Variants in SYNE2 observed in about 807,000 individuals in gnomAD.
SYNE2 encodes the protein spectrin repeat containing nuclear envelope protein 2, also known as nesprin-2.
SYNE2 carries 431 observed loss-of-function variants against 856.3 expected under a neutral mutation model. The ratio of observed to expected loss-of-function variants is 0.50; its 90% CI spans 0.47 to 0.55. The LOEUF (loss-of-function observed/expected upper bound fraction) is 0.55, where lower values mean the gene tolerates loss of function less well. Ranked by LOEUF, SYNE2 falls within the 20% of genes least tolerant of loss-of-function variation. SYNE2 has a pLI of 0.00. For synonymous variants in SYNE2, 2,923 were observed against 2,872.3 expected (o/e 1.02, Z -0.56); for missense variants, 8,129 against 8,023.2 (o/e 1.01, Z -0.50).
At position 64,212,828 on chromosome 14, in the gene SYNE2, T is replaced by C. The variant is rs1479822805; in HGVS notation, c.18879T>C (p.Ile6293=). Residue 6293 remains isoleucine (I), a synonymous_variant, in exon 105 of 116, where the codon ATT becomes ATC. Transcript: ENST00000555002. The part of the protein sequence containing the change: ...MRQLNGFQQE[I]TLNTNKIDQL... ...CTCAACAGGGCTTCCAACAGGAAAT[T>C]ACATTAAATACCAACAAGATTGATC... 4 of 1,614,102 alleles carry C rather than the reference T, an allele frequency of 2.5e-6. No individual in the cohort carries two copies.
intron 105 of SYNE2, among the ~76,000 whole-genome samples, chr14:64,213,990 A>G (rs182129097): frequency 2.2e-4 from 34 of 152,306 alleles, no homozygotes; most frequent in African/African-American, 7.9e-4. Context: ...GTTTGGGAAA[A>G]TAACAGATTT....
At chr14:64,094,103 C>T (rs989848053) in intron 61 of SYNE2, among the ~76,000 whole-genome samples, 1 of 151,856 alleles carries the variant, frequency 6.6e-6, no homozygotes, top group African/African-American at 2.4e-5. Context: ...GAGGCCGAGG[C>T]GGGCAGATCA....
At chr14:64,178,916 A>T (rs940915392) in intron 96 of SYNE2, among the ~76,000 whole-genome samples, 1 of 151,998 alleles carries the variant, frequency 6.6e-6, no homozygotes, top group Non-Finnish European at 1.5e-5. Flanking sequence ...TACAGCAAAA[A>T]ATTTTTTTTA....
chr14:63,847,961 A>G (rs1208440259), intron 1 of SYNE2, among the ~76,000 whole-genome samples: 1 of 151,880 alleles, frequency 6.6e-6, no homozygotes, highest in Admixed American at 6.6e-5. Flanking sequence ...ATCTCAACTC[A>G]CTGCAACCTC....
chr14:64,077,480 G>A (rs1342706238), intron 54 of SYNE2, among the ~76,000 whole-genome samples: 2 of 152,066 alleles, frequency 1.3e-5, no homozygotes, highest in Admixed American at 6.6e-5. Flanking sequence ...AATAGAGCCT[G>A]GGACTCAATC....
At chr14:63,824,654 C>G (rs1245632826) in intron 1 of SYNE2, among the ~76,000 whole-genome samples, 2 of 130,788 alleles carry the variant, frequency 1.5e-5, no homozygotes, top group Admixed American at 7.8e-5. Context: ...AAAAAAAAAG[C>G]GTAATTAAAA....
At chr14:64,147,082 C>T (rs1181232155) in intron 84 of SYNE2, among the ~76,000 whole-genome samples, 2 of 151,642 alleles carry the variant, frequency 1.3e-5, no homozygotes, top group African/African-American at 4.9e-5. Context: ...TACTGGAAGC[C>T]TACATTCCGC....
intron 1 of SYNE2, among the ~76,000 whole-genome samples, chr14:63,834,697 G>T (rs1889787784): frequency 6.8e-6 from 1 of 146,092 alleles, no homozygotes; most frequent in Non-Finnish European, 1.5e-5. Flanking sequence ...CTGGAGTGCA[G>T]TGGCGTGATC....
chr14:64,065,557 G>C lies in SYNE2; in HGVS notation c.10338G>C (p.Leu3446=). ...GTTTGCTCAAGATTGTGTCGGCTCT[G>C]TGGGAGAAATGGCTGAGTTTGCTGG... ...GICLLKIVSA[L]WEKWLSLLEA... The change falls in exon 51 of 116, where the codon CTG becomes CTC. Residue 3446 remains leucine (L), a synonymous_variant. Coordinates refer to ENST00000555002, the MANE Select transcript of SYNE2 (RefSeq NM_182914.3). 1 of 1,614,176 alleles carries C rather than the reference G, an allele frequency of 6.2e-7. No individual in the cohort carries two copies. The highest frequency in any genetic ancestry group is 8.5e-7 in the Non-Finnish European group (1 of 1,180,040).
intron 80 of SYNE2, among the ~76,000 whole-genome samples, chr14:64,141,043 G>GT (rs2098135348): frequency 6.6e-6 from 1 of 152,028 alleles, no homozygotes; most frequent in Non-Finnish European, 1.5e-5. Context: ...TTCATTTAAT[G>GT]TGCACTTTGT....
chr14:63,988,762 C>G (rs1031628150), intron 19 of SYNE2, among the ~76,000 whole-genome samples: 1 of 152,142 alleles, frequency 6.6e-6, no homozygotes, highest in Non-Finnish European at 1.5e-5. Flanking sequence ...TGGTGGCAGA[C>G]AAGAGCAGAG....
chr14:64,068,256 A>C (rs918132660), intron 51 of SYNE2, among the ~76,000 whole-genome samples: 1 of 152,198 alleles, frequency 6.6e-6, no homozygotes, highest in Non-Finnish European at 1.5e-5. Flanking sequence ...CTGTCACCCT[A>C]GAAGTTTCCC....
intron 1 of SYNE2, among the ~76,000 whole-genome samples, chr14:63,834,548 G>A (rs373600391): frequency 3.7e-4 from 56 of 151,884 alleles, no homozygotes; most frequent in Middle Eastern, 3.4e-3. Context: ...GGCTGGTCTC[G>A]AACTCCTGGC....
In SYNE2 at chr14:63,931,289, C is replaced by T. The variant is rs2095750671; in HGVS notation, c.80-9325C>T. On this transcript the variant is annotated intron_variant, in intron 2 of 115. Transcript: ENST00000555002. The stretch of plus-strand genomic sequence containing the variant: ...AGGATTGGCCAGGCGCAGTGGCTCA[C>T]GCCTGTAATCCCAGCACTTTGGGAG... Among the ~76,000 whole-genome samples the T allele has an allele frequency of 8.5e-5, 13 of 152,106 alleles. No homozygotes were observed. The South Asian group carries it at 2.1e-3, about 24-fold the overall frequency.
At chr14:63,915,146 A>G (rs898202364) in intron 2 of SYNE2, among the ~76,000 whole-genome samples, 6 of 152,212 alleles carry the variant, frequency 3.9e-5, no homozygotes, top group Non-Finnish European at 5.9e-5. Context: ...ATTTATATCA[A>G]TGTGCTTAAA....
In SYNE2 at chr14:64,188,670, G is replaced by A; in HGVS notation, c.17833G>A (p.Asp5945Asn). 6.2e-7 allele frequency: 1 copy of A among 1,614,202 alleles called. No individual in the cohort carries two copies. Among genetic ancestry groups the A allele is most frequent in the South Asian group, 1.1e-5 (1 of 91,080 alleles). Reference protein sequence around the residue: ...QMENKVLQTADISIEEMIEKL... With the variant: ...QMENKVLQTANISIEEMIEKL... ...GGAAAACAAAGTTCTACAGACAGCG[G>A]ACATTAGTATTGAAGAAATGATTGA... The change falls in exon 98 of 116, where the codon GAC (aspartate) becomes AAC (asparagine). Residue 5945 changes from aspartate to asparagine, a missense_variant. Transcript: ENST00000555002.
chr14:63,795,236 C>T (rs940947764), intron 1 of SYNE2, among the ~76,000 whole-genome samples: 1 of 152,026 alleles, frequency 6.6e-6, no homozygotes, highest in Non-Finnish European at 1.5e-5. Context: ...GCAGACCCAC[C>T]CTTAATCTGG....
chr14:64,010,098 G>A lies in SYNE2; in HGVS notation c.4710G>A (p.Leu1570=). The change falls in exon 32 of 116, where the codon CTG becomes CTA. Residue 1570 remains leucine, a synonymous_variant. Coordinates refer to ENST00000555002, the MANE Select transcript of SYNE2 (RefSeq NM_182914.3). ...CTTCGTACATGGGAAAGGAGAACCT[G>A]AAGAAAAGGATAGCAGAGGTGAGTC... ...LQASYMGKEN[L]KKRIAEIEIV... The A allele has an allele frequency of 1.2e-6, 2 of 1,613,028 alleles. No homozygotes were observed. Among genetic ancestry groups the A allele is most frequent in the Non-Finnish European group, 8.5e-7 (1 of 1,179,468 alleles).
chr14:64,014,974 T>TATATACACACAC (rs1434593932), intron 32 of SYNE2, among the ~76,000 whole-genome samples: 1 of 84,896 alleles, frequency 1.2e-5, no homozygotes, highest in African/African-American at 4.2e-5. Flanking sequence ...TATATATATA[T>TATATACACACAC]ACACACACAC....
Sources: allele counts gnomAD v4.1 joint callset (sites outside exome capture counted in the v4.1 genomes callset), GRCh38; gene constraint gnomAD v4.1.1; transcripts MANE v1.5; gene names NCBI Gene and HGNC (gene_info 2026-07-23, HGNC 2026-07-21).